Variants in GALNT13 observed in about 807,000 individuals in gnomAD.
GALNT13 encodes the protein polypeptide N-acetylgalactosaminyltransferase 13, also known as UDP-GalNAc:polypeptide N-acetylgalactosaminyltransferase 13.
In GALNT13, 28 loss-of-function variants were observed where a neutral mutation model predicts 64.2. That is an observed-to-expected ratio of 0.44 (90% CI 0.32 to 0.60). The LOEUF (loss-of-function observed/expected upper bound fraction) is 0.60. Ranked by LOEUF, GALNT13 falls within the 20% of genes least tolerant of loss-of-function variation. GALNT13 has a pLI of 0.05. For missense variants in GALNT13, 577 were observed against 669.8 expected (o/e 0.86, Z 1.53); for synonymous variants, 214 against 224.6 (o/e 0.95, Z 0.42).
intron 3 of GALNT13, among the ~76,000 whole-genome samples, chr2:154,065,442 C>T (rs1015579751): frequency 6.6e-6 from 1 of 152,184 alleles, no homozygotes; most frequent in Non-Finnish European, 1.5e-5. Flanking sequence ...GCTGTCCTGA[C>T]TTCAAGTCTG....
chr2:153,830,319 C>T, the GALNT13 span, among the ~76,000 whole-genome samples: 1 of 152,098 alleles, frequency 6.6e-6, no homozygotes, highest in Non-Finnish European at 1.5e-5. Flanking sequence ...TTGAATTTCA[C>T]ATCCTCAAGA....
the GALNT13 span, among the ~76,000 whole-genome samples, chr2:153,241,226 AG>A: frequency 6.6e-6 from 1 of 152,120 alleles, no homozygotes; most frequent in Non-Finnish European, 1.5e-5. Context: ...AGGCCTGACG[AG>A]GGGAGACTAT....
At chr2:154,363,795 C>T (rs1362985342) in intron 9 of GALNT13, among the ~76,000 whole-genome samples, 1 of 152,130 alleles carries the variant, frequency 6.6e-6, no homozygotes, top group Non-Finnish European at 1.5e-5. Context: ...AAGTCAATGT[C>T]TATATTCATC....
chr2:154,347,256 G>A (rs902553302), intron 9 of GALNT13, among the ~76,000 whole-genome samples: 6 of 151,944 alleles, frequency 3.9e-5, no homozygotes, highest in Non-Finnish European at 8.8e-5. Flanking sequence ...GCTATTGCCC[G>A]TTTATTTGTC....
At chr2:153,936,119 C>T (rs984894065) in intron 2 of GALNT13, among the ~76,000 whole-genome samples, 6 of 152,224 alleles carry the variant, frequency 3.9e-5, no homozygotes, top group East Asian at 1.9e-4. Flanking sequence ...TTTCTGCATT[C>T]GCAGATTCAA....
chr2:153,762,413 T>G, the GALNT13 span: 2 of 152,366 alleles, frequency 1.3e-5, no homozygotes, highest in Non-Finnish European at 2.9e-5. Flanking sequence ...GACCCAGAAC[T>G]GCCACTTGCT....
chr2:153,345,710 T>TGTCCGTCCGTC, the GALNT13 span, among the ~76,000 whole-genome samples: 1 of 94,608 alleles, frequency 1.1e-5, no homozygotes, highest in Non-Finnish European at 2.4e-5. Flanking sequence ...TTTCTCTTTC[T>TGTCCGTCCGTC]CTCTTTCTGT....
the GALNT13 span, among the ~76,000 whole-genome samples, chr2:153,472,149 G>A: frequency 6.6e-6 from 1 of 152,146 alleles, no homozygotes; most frequent in African/African-American, 2.4e-5. Flanking sequence ...CAGACATCTG[G>A]AGTCTTGGTC....
the GALNT13 span, among the ~76,000 whole-genome samples, chr2:153,836,081 C>A: frequency 2.0e-5 from 3 of 151,900 alleles, no homozygotes; most frequent in African/African-American, 7.3e-5. Context: ...CTTTCAATCC[C>A]AAATTGGCAA....
chr2:153,640,677 G>T, the GALNT13 span, among the ~76,000 whole-genome samples: 1 of 152,036 alleles, frequency 6.6e-6, no homozygotes, highest in African/African-American at 2.4e-5. Flanking sequence ...AGCTTCTCAG[G>T]GTGCTGAGGC....
chr2:153,262,410 C>T, the GALNT13 span, among the ~76,000 whole-genome samples: 1 of 152,142 alleles, frequency 6.6e-6, no homozygotes, highest in African/African-American at 2.4e-5. Context: ...CTATTCCTAA[C>T]AACTCAAAAG....
At chr2:153,558,777 G>A in the GALNT13 span, among the ~76,000 whole-genome samples, 1 of 152,130 alleles carries the variant, frequency 6.6e-6, no homozygotes, top group Admixed American at 6.5e-5. Flanking sequence ...CAAATTATGT[G>A]CTATAGCTCC....
At chr2:153,792,343 G>A in the GALNT13 span, among the ~76,000 whole-genome samples, 2 of 151,902 alleles carry the variant, frequency 1.3e-5, no homozygotes, top group African/African-American at 4.8e-5. Context: ...ATTTATATAG[G>A]ATTTACATTG....
intron 3 of GALNT13, among the ~76,000 whole-genome samples, chr2:154,137,851 G>A (rs1683041584): frequency 6.6e-6 from 1 of 152,008 alleles, no homozygotes; most frequent in Non-Finnish European, 1.5e-5. Flanking sequence ...ATGCCACTTT[G>A]TCATATGGGT....
the GALNT13 span, among the ~76,000 whole-genome samples, chr2:153,128,252 A>G: frequency 6.6e-6 from 1 of 152,198 alleles, no homozygotes; most frequent in South Asian, 2.1e-4. Context: ...AAAGAGGTTT[A>G]ATGGACTTAC....
the GALNT13 span, among the ~76,000 whole-genome samples, chr2:153,173,715 A>G: frequency 4.6e-5 from 7 of 152,160 alleles, no homozygotes; most frequent in Non-Finnish European, 1.0e-4. Context: ...AACATTGCTA[A>G]AAGTCTTCAT....
the GALNT13 span, among the ~76,000 whole-genome samples, chr2:153,782,722 C>A: frequency 6.6e-6 from 1 of 152,152 alleles, no homozygotes; most frequent in Non-Finnish European, 1.5e-5. Flanking sequence ...GGAACAAACC[C>A]CTTTCTCATG....
chr2:153,389,608 G>A, the GALNT13 span, among the ~76,000 whole-genome samples: 1 of 152,098 alleles, frequency 6.6e-6, no homozygotes, highest in South Asian at 2.1e-4. Flanking sequence ...ATGAAAGAAT[G>A]CCCGGAGGTC....
the GALNT13 span, among the ~76,000 whole-genome samples, chr2:153,089,296 G>T: frequency 6.6e-6 from 1 of 152,110 alleles, no homozygotes; most frequent in Non-Finnish European, 1.5e-5. Flanking sequence ...GGCTAAAGAT[G>T]GGACCCCAGT....
Sources: gnomAD v4.1 joint callset for allele counts (sites outside exome capture counted in the v4.1 genomes callset) on GRCh38, gnomAD v4.1.1 for gene constraint, MANE v1.5 for transcripts, NCBI Gene and HGNC (gene_info 2026-07-23, HGNC 2026-07-21) for gene names.